The following GRIK2 variants were observed in gnomAD, a reference collection of about 807,000 sequenced individuals.
The protein encoded by GRIK2 is glutamate ionotropic receptor kainate type subunit 2.
In GRIK2, 32 loss-of-function variants were observed where a neutral mutation model predicts 100.3. That is an observed-to-expected ratio of 0.32 (90% CI 0.24 to 0.43). GRIK2 has a LOEUF of 0.43. GRIK2 is among the 20% of genes least tolerant of loss of function. The pLI is 1.00. For synonymous variants in GRIK2, 417 were observed against 389.4 expected (o/e 1.07, Z -0.83); for missense variants, 843 against 1,114.9 (o/e 0.76, Z 3.47).
intron 14 of GRIK2, among the ~76,000 whole-genome samples, chr6:102,031,186 C>T (rs1029824024): frequency 1.3e-5 from 2 of 149,840 alleles, no homozygotes; most frequent in Admixed American, 6.7e-5. Flanking sequence ...AGTCCAAGTA[C>T]TGTTTCCTTA....
intron 7 of GRIK2, among the ~76,000 whole-genome samples, chr6:101,686,832 T>C (rs1024477082): frequency 1.3e-5 from 2 of 152,054 alleles, no homozygotes; most frequent in Non-Finnish European, 2.9e-5. Flanking sequence ...ATAATCACAT[T>C]TGTCATTTTC....
chr6:102,009,389 G>A (rs1795404097), intron 14 of GRIK2, among the ~76,000 whole-genome samples: 1 of 151,948 alleles, frequency 6.6e-6, no homozygotes, highest in Non-Finnish European at 1.5e-5. Context: ...TGAAACTATA[G>A]CTCTTTAATT....
chr6:101,493,890 G>C lies in GRIK2; in HGVS notation c.115+94498G>C, dbSNP rs1055343887. Among the ~76,000 whole-genome samples, 4 of 141,106 alleles carry C rather than the reference G, an allele frequency of 2.8e-5. No individual in the cohort carries two copies. In the South Asian group the frequency reaches 9.3e-4, roughly 33 times the overall value. The allele number at this position is 141,106 out of a possible 152,430, so 92.6% of individuals were successfully genotyped here. A position where few individuals can be genotyped will look rare whatever the true frequency, so the allele number is the denominator to read the frequency against. On this transcript the variant is annotated intron_variant, in intron 2 of 16. Transcript: ENST00000369134. ...TAAAAACTATTTCAAAGTTTTATTT[G>C]ATCAGTCTCTAAATCCTTAGGTTAT...
At chr6:101,955,289 T>G (rs1791845013) in intron 14 of GRIK2, among the ~76,000 whole-genome samples, 2 of 152,158 alleles carry the variant, frequency 1.3e-5, no homozygotes. Context: ...AATTTTGCTT[T>G]AAATGTTTGA....
At chr6:101,433,979 A>G (rs570774542) in intron 2 of GRIK2, among the ~76,000 whole-genome samples, 1 of 152,356 alleles carries the variant, frequency 6.6e-6, no homozygotes, top group Admixed American at 6.5e-5. Context: ...GCTAGAATTA[A>G]TAGTGCATGA....
At chr6:101,464,917 G>A (rs557832573) in intron 2 of GRIK2, among the ~76,000 whole-genome samples, 82 of 152,202 alleles carry the variant, frequency 5.4e-4, no homozygotes, top group African/African-American at 2.0e-3. Context: ...CTAAGTATAT[G>A]GGGGAATTGA....
intron 2 of GRIK2, among the ~76,000 whole-genome samples, chr6:101,547,511 T>C (rs1172939162): frequency 6.6e-6 from 1 of 152,188 alleles, no homozygotes; most frequent in Non-Finnish European, 1.5e-5. Flanking sequence ...GATGTTCCCC[T>C]TCCTGTGTCC....
chr6:101,600,468 C>T (rs1216440663), intron 2 of GRIK2, among the ~76,000 whole-genome samples: 9 of 151,780 alleles, frequency 5.9e-5, no homozygotes, highest in African/African-American at 2.2e-4. Flanking sequence ...AGGAATAGCA[C>T]TGAATCTGTA....
At chr6:101,506,907 ACT>A (rs1284862523) in intron 2 of GRIK2, among the ~76,000 whole-genome samples, 1 of 151,870 alleles carries the variant, frequency 6.6e-6, no homozygotes, top group African/African-American at 2.4e-5. Flanking sequence ...TTCACTGAAA[ACT>A]CTGTTTTTAG....
chr6:101,735,729 A>G (rs991387508), intron 7 of GRIK2, among the ~76,000 whole-genome samples: 1 of 152,212 alleles, frequency 6.6e-6, no homozygotes, highest in Non-Finnish European at 1.5e-5. Flanking sequence ...GAGTGAGGAC[A>G]CAGAGCCAAA....
rs183470430 is a variant in GRIK2 at position 101,797,000 on chromosome 6, A to G, written c.952-2648A>G. 8.0e-4 allele frequency among the ~76,000 whole-genome samples: 121 copies of G among 152,186 alleles called. 1 individual carries two copies. Among genetic ancestry groups the G allele is most frequent in the Non-Finnish European group, 1.3e-4 (9 of 68,002 alleles). ...TTTTGATTTTTAATTAGGCAAAATT[A>G]TTTTCTAGCATTGTCATATTAAATA... On this transcript the variant is annotated intron_variant, in intron 7 of 16. Transcript: ENST00000369134.
intron 7 of GRIK2, among the ~76,000 whole-genome samples, chr6:101,771,753 A>G (rs865777546): frequency 1.2e-3 from 163 of 137,074 alleles, no homozygotes; most frequent in African/African-American, 4.3e-3. Context: ...TCATTGTTCA[A>G]TTCCCACCTA....
intron 7 of GRIK2, among the ~76,000 whole-genome samples, chr6:101,773,370 C>T (rs1778525445): frequency 6.6e-6 from 1 of 151,220 alleles, no homozygotes; most frequent in African/African-American, 2.4e-5. Flanking sequence ...GTCTCAGCTA[C>T]TCGGGAGGCT....
At chr6:101,935,006 T>G (rs148812506) in intron 14 of GRIK2, among the ~76,000 whole-genome samples, 11 of 152,142 alleles carry the variant, frequency 7.2e-5, no homozygotes, top group South Asian at 4.1e-4. Context: ...TTAAATGTTT[T>G]TCATATTTTA....
intron 8 of GRIK2, 23 bp from the exon 9 acceptor site, chr6:101,802,308 T>C: frequency 1.1e-6 from 1 of 939,600 alleles, no homozygotes; most frequent in Non-Finnish European, 1.6e-6. Context: ...TTATTTATTA[T>C]CAATGTTTTT....
chr6:101,428,153 C>T (rs541199071), intron 2 of GRIK2, among the ~76,000 whole-genome samples: 54 of 152,178 alleles, frequency 3.5e-4, no homozygotes, highest in Non-Finnish European at 5.1e-4. Context: ...CAGACCAACA[C>T]ACAGTAATTA....
chr6:101,571,456 C>T (rs1334344897), intron 2 of GRIK2, among the ~76,000 whole-genome samples: 2 of 151,846 alleles, frequency 1.3e-5, no homozygotes, highest in African/African-American at 4.8e-5. Flanking sequence ...AAAATTTTGC[C>T]ATGTGTTTTT....
At chr6:101,831,834 C>A (rs1024098372) in intron 10 of GRIK2, among the ~76,000 whole-genome samples, 1 of 151,916 alleles carries the variant, frequency 6.6e-6, no homozygotes, top group Non-Finnish European at 1.5e-5. Flanking sequence ...AAATATATGA[C>A]CCCTTTCCAA....
intron 2 of GRIK2, among the ~76,000 whole-genome samples, chr6:101,440,581 A>G (rs1769989647): frequency 6.6e-6 from 1 of 152,200 alleles, no homozygotes. Flanking sequence ...TAAGGAACTG[A>G]AAGCTGTACA....
Sources: allele counts gnomAD v4.1 joint callset (sites outside exome capture counted in the v4.1 genomes callset), GRCh38; gene constraint gnomAD v4.1.1; transcripts MANE v1.5; gene names NCBI Gene and HGNC (gene_info 2026-07-23, HGNC 2026-07-21).